The following CAMTA1 variants were observed in gnomAD, a reference collection of about 807,000 sequenced individuals.
CAMTA1 encodes calmodulin-binding transcription activator 1.
Under a neutral mutation model 170.9 loss-of-function variants are expected in CAMTA1, and 27 were observed. That is an observed-to-expected ratio of 0.16 (90% CI 0.12 to 0.22). CAMTA1 has a LOEUF of 0.22. Among genes scored for constraint, CAMTA1 ranks in the 10% least tolerant of loss-of-function variants. The probability of loss-of-function intolerance (pLI) is 1.00; values close to 1 mark genes in which losing one functional copy is unlikely to be tolerated. For missense variants in CAMTA1, 1,619 were observed against 2,217.2 expected, an observed-to-expected ratio of 0.73 and a Z score of 5.42; for synonymous variants, 833 against 891.5, an observed-to-expected ratio of 0.93 and a Z score of 1.17.
At chr1:7,302,686 T>G (rs1674954589) in intron 5 of CAMTA1, among the ~76,000 whole-genome samples, 1 of 152,152 alleles carries the variant, frequency 6.6e-6, no homozygotes, top group Admixed American at 6.5e-5. Context: ...CTATTGTGCT[T>G]CTCCCCATCC....
Position 7,050,487 on chromosome 1 carries a change from G to A in CAMTA1, c.235-40817G>A, listed in dbSNP as rs192971028. Among the ~76,000 whole-genome samples the A allele has an allele frequency of 6.6e-6, 1 of 152,260 alleles. No individual in the cohort carries two copies. The highest frequency in any genetic ancestry group is 2.4e-5 in the African/African-American group (1 of 41,554). ...AGATGAAGACTCTCAAACAGGCCTT[G>A]GCTGCATCAAACACATCGCGGGGGT... On this transcript the variant is annotated intron_variant, in intron 3 of 22. Transcript: ENST00000303635. The surrounding 1 kb of genome is among the most constrained non-coding windows in gnomAD (Gnocchi z 4.8).
chr1:7,630,973 T>C (rs2095665175), intron 6 of CAMTA1, among the ~76,000 whole-genome samples: 1 of 152,210 alleles, frequency 6.6e-6, no homozygotes, highest in Non-Finnish European at 1.5e-5. Flanking sequence ...CCTTCTGTTT[T>C]TGCTTATCCT....
chr1:7,071,320 G>T lies in CAMTA1; in HGVS notation c.235-19984G>T, dbSNP rs146192812. ...ACTCACTTGAAAGATACAGTGAATA[G>T]AATTTAATTGAATTTTTTTTGGTAC... On this transcript the variant is annotated intron_variant, in intron 3 of 22. Coordinates refer to ENST00000303635, the MANE Select transcript of CAMTA1 (RefSeq NM_015215.4). Among the ~76,000 whole-genome samples, 4 of 152,274 alleles carry T rather than the reference G, an allele frequency of 2.6e-5. No individual in the cohort carries two copies. In the East Asian group the frequency reaches 5.8e-4, roughly 22 times the overall value.
Position 7,091,003 on chromosome 1 carries a change from A to G in CAMTA1, c.235-301A>G, listed in dbSNP as rs566338270. 4.6e-5 allele frequency among the ~76,000 whole-genome samples: 7 copies of G among 152,304 alleles called. No homozygotes were observed. In the South Asian group the frequency reaches 1.4e-3, roughly 32 times the overall value. ...CATGTGTTTTTCCCTCCCTAAATTA[A>G]TGACATTTAGAATCTGAAATGGTGT... is the stretch of plus-strand genomic sequence containing the variant. On this transcript the variant is annotated intron_variant, in intron 3 of 22. Coordinates refer to ENST00000303635, the MANE Select transcript of CAMTA1 (RefSeq NM_015215.4).
At chr1:7,122,379 G>A (rs1020596245) in intron 4 of CAMTA1, among the ~76,000 whole-genome samples, 2 of 152,070 alleles carry the variant, frequency 1.3e-5, no homozygotes, top group Non-Finnish European at 2.9e-5. Flanking sequence ...AATGGAGACA[G>A]CTCACGGAGT....
intron 3 of CAMTA1, among the ~76,000 whole-genome samples, chr1:6,840,415 G>A (rs1655214517): frequency 6.6e-6 from 1 of 152,162 alleles, no homozygotes; most frequent in African/African-American, 2.4e-5. Flanking sequence ...GGAGTGAGAA[G>A]TGGATGTATT....
intron 5 of CAMTA1, among the ~76,000 whole-genome samples, chr1:7,277,467 G>GTGTGTGTGTGTA (rs1553119347): frequency 7.1e-6 from 1 of 141,164 alleles, no homozygotes; most frequent in African/African-American, 2.8e-5. Context: ...GTGTGTGTGT[G>GTGTGTGTGTGTA]TGTGTGTGTG....
At chr1:6,804,203 A>G (rs535498923) in intron 1 of CAMTA1, among the ~76,000 whole-genome samples, 210 of 147,812 alleles carry the variant, frequency 1.4e-3, no homozygotes, top group African/African-American at 4.8e-3. Flanking sequence ...TTTTTGGTAA[A>G]GACAGGGTCT....
At chr1:7,448,637 C>T (rs189761872) in intron 5 of CAMTA1, among the ~76,000 whole-genome samples, 8 of 152,348 alleles carry the variant, frequency 5.3e-5, no homozygotes, top group South Asian at 2.1e-4. Flanking sequence ...CCAGCAGGTT[C>T]GGTATCTGGT....
intron 1 of CAMTA1, among the ~76,000 whole-genome samples, chr1:6,796,616 T>C (rs907390494): frequency 1.3e-5 from 2 of 152,242 alleles, no homozygotes; most frequent in East Asian, 1.9e-4. Flanking sequence ...CATTGTTTGA[T>C]ACTTTTATTT....
At chr1:7,068,227 C>T (rs1312671577) in intron 3 of CAMTA1, among the ~76,000 whole-genome samples, 5 of 152,158 alleles carry the variant, frequency 3.3e-5, no homozygotes, top group African/African-American at 7.2e-5. Flanking sequence ...TTTAGCCTTT[C>T]TCCAGGCTCA....
rs527409257 is a variant in CAMTA1, at chr1:7,151,615, G to A, written c.302+60244G>A. Among the ~76,000 whole-genome samples, 11 of 152,288 alleles carry A rather than the reference G, an allele frequency of 7.2e-5. No individual in the cohort carries two copies. The South Asian group carries it at 2.1e-3, about 29-fold the overall frequency. ...CAGCCAATTCCTCGCTATGCCCAAG[G>A]GCTTTTCCCAGGCATCAGGGCAGAC... On this transcript the variant is annotated intron_variant, in intron 4 of 22. Coordinates refer to ENST00000303635, the MANE Select transcript of CAMTA1 (RefSeq NM_015215.4).
intron 11 of CAMTA1, among the ~76,000 whole-genome samples, chr1:7,702,101 C>T (rs182457733): frequency 8.5e-5 from 13 of 152,188 alleles, no homozygotes; most frequent in Admixed American, 6.5e-4. Context: ...CGAGCCCAGC[C>T]GAGAAACAAT....
intron 8 of CAMTA1, 144 bp downstream of exon 8, chr1:7,662,010 C>T: frequency 1.0e-6 from 1 of 987,012 alleles, no homozygotes; most frequent in Non-Finnish European, 1.5e-6. Flanking sequence ...GACACCACCG[C>T]ACCCAGCACA....
At chr1:7,258,820 C>T (rs1187710539) in intron 5 of CAMTA1, among the ~76,000 whole-genome samples, 2 of 152,120 alleles carry the variant, frequency 1.3e-5, no homozygotes, top group Admixed American at 6.6e-5. Flanking sequence ...TATGCTCAGT[C>T]AGCACGAATC....
intron 3 of CAMTA1, among the ~76,000 whole-genome samples, chr1:7,001,319 C>G (rs534423321): frequency 3.9e-5 from 6 of 152,208 alleles, no homozygotes; most frequent in Admixed American, 1.3e-4. Flanking sequence ...GTCAAGTGAA[C>G]AAATGACACC....
chr1:7,201,852 T>C (rs75574879), intron 4 of CAMTA1, among the ~76,000 whole-genome samples: 2 of 151,988 alleles, frequency 1.3e-5, no homozygotes, highest in East Asian at 3.9e-4. Context: ...TTCAATTTTT[T>C]TGGTGTCCTT....
intron 5 of CAMTA1, among the ~76,000 whole-genome samples, chr1:7,317,968 C>A (rs997133551): frequency 2.6e-5 from 4 of 152,220 alleles, no homozygotes; most frequent in African/African-American, 9.6e-5. Context: ...TGAGGCCCTT[C>A]CTACCACCCA....
chr1:7,142,093 C>T (rs1418117615), intron 4 of CAMTA1: 1 of 518,696 alleles, frequency 1.9e-6, no homozygotes, highest in Non-Finnish European at 3.8e-6. Context: ...CTTCCTGGTA[C>T]CCCTTCTGTT....
Sources: allele counts gnomAD v4.1 joint callset (sites outside exome capture counted in the v4.1 genomes callset), GRCh38; gene constraint gnomAD v4.1.1; non-coding constraint Gnocchi (gnomAD v3.1); transcripts MANE v1.5; gene names NCBI Gene and HGNC (gene_info 2026-07-23, HGNC 2026-07-21).